TRIQK: variants seen among roughly 807,000 people sequenced by gnomAD.
TRIQK encodes triple QxxK/R motif containing.
In TRIQK, 10 loss-of-function variants were observed where a neutral mutation model predicts 10.8. The observed-to-expected ratio is 0.92, with a 90% CI of 0.57 to 1.57. The LOEUF (loss-of-function observed/expected upper bound fraction) is 1.57. Ranked by LOEUF, TRIQK falls within the 40% of genes most tolerant of loss-of-function variation. TRIQK has a pLI of 0.00. For synonymous variants in TRIQK, 33 were observed against 33.7 expected (o/e 0.98, Z 0.07); for missense variants, 107 against 97.7 (o/e 1.09, Z -0.40).
chr8:92,944,025 CA>C (rs1811398068), intron 2 of TRIQK, among the ~76,000 whole-genome samples: 2 of 152,080 alleles, frequency 1.3e-5, no homozygotes, highest in African/African-American at 4.8e-5. Context: ...AAAAAAACCC[CA>C]AATAATCTCA....
At chr8:92,995,527 A>AT (rs2130752922) in intron 1 of TRIQK, among the ~76,000 whole-genome samples, 1 of 151,598 alleles carries the variant, frequency 6.6e-6, no homozygotes, top group East Asian at 1.9e-4. Context: ...ATCCTATGAG[A>AT]TTTTTATCAT....
intron 1 of TRIQK, among the ~76,000 whole-genome samples, chr8:92,976,201 A>T (rs920067076): frequency 6.6e-6 from 1 of 151,978 alleles, no homozygotes; most frequent in Non-Finnish European, 1.5e-5. Context: ...GATTTTGTAT[A>T]TCTCTACTGA....
intron 2 of TRIQK, chr8:92,953,663 G>C (rs965530862): frequency 6.6e-6 from 1 of 151,978 alleles, no homozygotes; most frequent in African/African-American, 2.4e-5. Context: ...CAAAAAGGGA[G>C]GCAGTATGCC....
At chr8:92,983,158 A>G (rs539630886) in intron 1 of TRIQK, among the ~76,000 whole-genome samples, 2 of 152,168 alleles carry the variant, frequency 1.3e-5, no homozygotes, top group African/African-American at 2.4e-5. Context: ...GTGCTGGACT[A>G]AGGAGACAGC....
At chr8:92,955,359 T>A (rs1478242051) in intron 1 of TRIQK, among the ~76,000 whole-genome samples, 1 of 151,750 alleles carries the variant, frequency 6.6e-6, no homozygotes, top group Non-Finnish European at 1.5e-5. Flanking sequence ...AGAATAATCC[T>A]TTTTAACAAA....
chr8:92,893,701 A>C (rs1334839982), intron 3 of TRIQK, among the ~76,000 whole-genome samples: 1 of 152,060 alleles, frequency 6.6e-6, no homozygotes, highest in Non-Finnish European at 1.5e-5. Flanking sequence ...AACAATGAAA[A>C]TGGTGACACA....
intron 1 of TRIQK, among the ~76,000 whole-genome samples, chr8:92,988,178 AT>A (rs899642989): frequency 7.2e-4 from 103 of 143,626 alleles, no homozygotes; most frequent in African/African-American, 1.4e-3. Flanking sequence ...GCCCGGCTAA[AT>A]TTTTTTTTTT....
intron 2 of TRIQK, among the ~76,000 whole-genome samples, chr8:92,942,838 G>A (rs1022044348): frequency 1.1e-4 from 16 of 152,020 alleles, no homozygotes; most frequent in African/African-American, 2.7e-4. Context: ...GGGACTAAAG[G>A]TGCCTGCCAC....
intron 2 of TRIQK, among the ~76,000 whole-genome samples, chr8:92,925,806 A>C (rs1482094685): frequency 6.6e-6 from 1 of 152,212 alleles, no homozygotes; most frequent in Non-Finnish European, 1.5e-5. Context: ...TGTTCCTACA[A>C]AGTTAACTAC....
chr8:92,984,611 C>T (rs564404633), intron 1 of TRIQK, among the ~76,000 whole-genome samples: 14 of 152,190 alleles, frequency 9.2e-5, no homozygotes, highest in East Asian at 1.9e-4. Context: ...TTCGACCTTT[C>T]GAAACATATT....
intron 1 of TRIQK, chr8:92,972,549 C>A (rs1812886076): frequency 6.6e-6 from 1 of 152,332 alleles, no homozygotes; most frequent in Admixed American, 6.5e-5. Flanking sequence ...TCACACCACC[C>A]CCCAGTTTTC....
At chr8:92,960,154 A>G (rs906531017) in intron 1 of TRIQK, among the ~76,000 whole-genome samples, 26 of 151,760 alleles carry the variant, frequency 1.7e-4, no homozygotes, top group Admixed American at 9.8e-4. Flanking sequence ...TTTTAAAATT[A>G]TTTTTCTTTC....
chr8:93,003,168 A>G (rs1159792397), intron 1 of TRIQK, among the ~76,000 whole-genome samples: 1 of 152,144 alleles, frequency 6.6e-6, no homozygotes, highest in East Asian at 1.9e-4. Flanking sequence ...ACTGCTATAA[A>G]GAACTACCTG....
At chr8:93,003,809 A>C (rs906528507) in intron 1 of TRIQK, among the ~76,000 whole-genome samples, 1 of 152,238 alleles carries the variant, frequency 6.6e-6, no homozygotes, top group African/African-American at 2.4e-5. Flanking sequence ...GGGAGGCTAC[A>C]AGCCCCATGC....
intron 1 of TRIQK, among the ~76,000 whole-genome samples, chr8:92,986,120 G>A (rs1813028289): frequency 6.6e-6 from 1 of 152,064 alleles, no homozygotes. Context: ...ATTTGGCTGT[G>A]ATTATTTTGG....
chr8:92,910,945 A>G (rs779839699), intron 3 of TRIQK, among the ~76,000 whole-genome samples: 13 of 151,388 alleles, frequency 8.6e-5, no homozygotes, highest in Non-Finnish European at 1.3e-4. Flanking sequence ...AGAGTTGAAA[A>G]CTATAATTAA....
chr8:92,886,754 T>G lies in TRIQK; in HGVS notation c.148-19A>C. ...CAACTTCCTGGGAAGAAAAAAAAAG[T>G]AGACTTGAAATTGATGAAAAAAGAT... On this transcript the variant is annotated intron_variant, in intron 4 of 4. Coordinates refer to ENST00000521988, the MANE Select transcript of TRIQK (RefSeq NM_001171797.2). 1 of 1,345,742 alleles carries G rather than the reference T, an allele frequency of 7.4e-7. No homozygotes were observed. Among genetic ancestry groups the G allele is most frequent in the South Asian group, 1.3e-5 (1 of 78,868 alleles). 83.4% of individuals were successfully genotyped at this position (1,345,742 alleles called of 1,614,324 possible).
At chr8:92,911,010 G>C (rs1425719215) in intron 3 of TRIQK, among the ~76,000 whole-genome samples, 1 of 150,978 alleles carries the variant, frequency 6.6e-6, no homozygotes, top group Non-Finnish European at 1.5e-5. Flanking sequence ...TCAAGCACAG[G>C]GAATGTTAAC....
upstream of TRIQK, among the ~76,000 whole-genome samples, chr8:92,969,287 T>C (rs1241665431): frequency 6.6e-6 from 1 of 152,204 alleles, no homozygotes; most frequent in Non-Finnish European, 1.5e-5. Context: ...CTTTTTTGGT[T>C]ACATATTTAG....
Sources: allele counts gnomAD v4.1 joint callset (sites outside exome capture counted in the v4.1 genomes callset), GRCh38; gene constraint gnomAD v4.1.1; transcripts MANE v1.5; gene names NCBI Gene and HGNC (gene_info 2026-07-23, HGNC 2026-07-21).